Variants in TGFBRAP1 observed in about 807,000 individuals in gnomAD.
TGFBRAP1 encodes transforming growth factor-beta receptor-associated protein 1.
In TGFBRAP1, 20 loss-of-function variants were observed where a neutral mutation model predicts 83.2. That is an observed-to-expected ratio of 0.24 (90% CI 0.17 to 0.35). The LOEUF (loss-of-function observed/expected upper bound fraction) is 0.35. Among genes scored for constraint, TGFBRAP1 ranks in the 10% least tolerant of loss-of-function variants. The pLI, the probability that TGFBRAP1 is intolerant of heterozygous loss-of-function variation, is 1.00. For missense variants in TGFBRAP1, 950 were observed against 1,099.4 expected, an observed-to-expected ratio of 0.86 and a Z score of 1.92; for synonymous variants, 415 against 459.8, an observed-to-expected ratio of 0.90 and a Z score of 1.25.
At chr2:105,287,456 T>C (rs1279209498) in intron 4 of TGFBRAP1, among the ~76,000 whole-genome samples, 3 of 152,206 alleles carry the variant, frequency 2.0e-5, no homozygotes, top group Non-Finnish European at 2.9e-5. Context: ...GCTTCTCATG[T>C]CTGTGGTGAT....
chr2:105,309,237 G>C (rs888026832), intron 1 of TGFBRAP1, among the ~76,000 whole-genome samples: 2 of 152,228 alleles, frequency 1.3e-5, no homozygotes, highest in African/African-American at 4.8e-5. Context: ...CAAAGGCACA[G>C]TCCCTGTGAG....
chr2:105,321,084 C>G (rs528227974), intron 1 of TGFBRAP1, among the ~76,000 whole-genome samples: 2 of 152,162 alleles, frequency 1.3e-5, no homozygotes, highest in Non-Finnish European at 2.9e-5. Context: ...GGGATCCTGG[C>G]TTTAGGCGTG....
downstream of TGFBRAP1, among the ~76,000 whole-genome samples, chr2:105,264,034 A>G (rs1473100614): frequency 2.0e-5 from 3 of 152,244 alleles, no homozygotes. Context: ...CATCAACAAC[A>G]GTGTAGGGGA....
chr2:105,325,406 C>T (rs952568119), intron 1 of TGFBRAP1, among the ~76,000 whole-genome samples: 1 of 152,182 alleles, frequency 6.6e-6, no homozygotes, highest in African/African-American at 2.4e-5. Flanking sequence ...AGGTGGCTTG[C>T]TCAAGGTTAC....
In TGFBRAP1 at chr2:105,296,491, T is replaced by C; in HGVS notation, c.903A>G (p.Thr301=). The C allele has an allele frequency of 6.2e-7, 1 of 1,612,458 alleles. No homozygotes were observed. Among genetic ancestry groups the C allele is most frequent in the Non-Finnish European group, 8.5e-7 (1 of 1,179,636 alleles). Residue 301 remains threonine (T), a synonymous_variant, in exon 4 of 12, where the codon ACA becomes ACG. Transcript: ENST00000393359. ...GAACCAAGATGTAAACTCCTTTACT[T>C]GTGGCAACGATCACTCTTCCTGTGA... ...QDFEGRVIVA[T]SKGVYILVPL...
chr2:105,315,467 A>G (rs1232285896), intron 1 of TGFBRAP1, among the ~76,000 whole-genome samples: 1 of 152,224 alleles, frequency 6.6e-6, no homozygotes, highest in African/African-American at 2.4e-5. Flanking sequence ...TGTAATGCAT[A>G]TATCTGGCAA....
intron 11 of TGFBRAP1, 94 bp from the exon 12 acceptor site, chr2:105,267,653 C>T: frequency 6.5e-7 from 1 of 1,549,102 alleles, no homozygotes; most frequent in East Asian, 2.3e-5. Context: ...ATGCATTACT[C>T]CATGGGTTAT....
chr2:105,264,701 T>TC lies in TGFBRAP1; in HGVS notation c.*2681_*2682insG. 6.6e-6 allele frequency: 1 copy of TC among 152,346 alleles called. No homozygotes were observed. The highest frequency in any genetic ancestry group is 2.4e-5 in the African/African-American group (1 of 41,576). 9.4% of individuals were successfully genotyped at this position (152,346 alleles called of 1,614,324 possible). ...CACGCGTCAGTGAGAGCGTCGCAGT[T>TC]GAACTCAGCCCAGTGCAACGCAGCC... is the stretch of plus-strand genomic sequence containing the variant. On this transcript the variant is annotated 3_prime_UTR_variant, in exon 12 of 12. Coordinates refer to ENST00000393359, the MANE Select transcript of TGFBRAP1 (RefSeq NM_004257.6).
intron 1 of TGFBRAP1, among the ~76,000 whole-genome samples, chr2:105,318,647 T>A (rs1295261757): frequency 2.0e-5 from 3 of 152,264 alleles, no homozygotes; most frequent in African/African-American, 7.2e-5. Flanking sequence ...TTTCTTAGTT[T>A]ATCTAAATGC....
intron 10 of TGFBRAP1, among the ~76,000 whole-genome samples, chr2:105,272,541 G>A (rs988461091): frequency 1.3e-5 from 2 of 152,144 alleles, no homozygotes; most frequent in Non-Finnish European, 2.9e-5. Flanking sequence ...GGCACGAGAA[G>A]CCTTATTTCT....
chr2:105,280,299 C>G, intron 6 of TGFBRAP1, 83 bp downstream of exon 6: 2 of 1,442,876 alleles, frequency 1.4e-6, no homozygotes, highest in Non-Finnish European at 1.9e-6. Flanking sequence ...GGCTAAGTCA[C>G]TTCACGAGGA....
rs765848492 is a variant in TGFBRAP1 at position 105,308,003 on chromosome 2, C to A, written c.299G>T (p.Ser100Ile). The A allele has an allele frequency of 2.8e-5, 46 of 1,614,100 alleles. No individual in the cohort carries two copies. The Middle Eastern group carries it at 4.9e-4, about 17-fold the overall frequency. The change falls in exon 2 of 12, where the codon AGC becomes ATC. Residue 100 changes from serine to isoleucine, a missense_variant. By Grantham distance (142) the Ser-to-Ile change is moderately radical. Coordinates refer to ENST00000393359, the MANE Select transcript of TGFBRAP1 (RefSeq NM_004257.6). The part of the protein sequence containing the change: ...RLLVLCDNSI[S>I]LVNMLNLEPV... ...CTCGAGGTTCAGCATGTTGACCAGG[C>A]TGATGGAGTTGTCACACAGCACCAG... is the stretch of plus-strand genomic sequence containing the variant.
intron 9 of TGFBRAP1, among the ~76,000 whole-genome samples, chr2:105,273,226 C>T (rs2250658): frequency 0.58 from 87,591 of 151,672 alleles, 25,989 homozygotes; most frequent in Non-Finnish European, 0.65. Context: ...CCTCTTATTT[C>T]AAGAAGTAAG....
chr2:105,280,643 T>C lies in TGFBRAP1; in HGVS notation c.1202A>G (p.His401Arg). ...GTCTGCGTACTCATGAAGAGGAGGG[T>C]GGGACCGGGTGAAGGAGGAGGAGGT... Reference protein sequence around the residue: ...LPTSSSFTRSHPPLHEYADLN... With the variant: ...LPTSSSFTRSRPPLHEYADLN... The change falls in exon 6 of 12, where the codon CAC (histidine) becomes CGC (arginine). Residue 401 changes from histidine (H) to arginine (R), a missense_variant. Physicochemically the swap from His to Arg is conservative, Grantham distance 29 (BLOSUM62 0). Transcript: ENST00000393359. 1 of 1,613,702 alleles carries C rather than the reference T, an allele frequency of 6.2e-7. No homozygotes were observed. Among genetic ancestry groups the C allele is most frequent in the Non-Finnish European group, 8.5e-7 (1 of 1,179,936 alleles).
the TGFBRAP1 span, among the ~76,000 whole-genome samples, chr2:105,251,459 C>A: frequency 2.6e-5 from 4 of 151,778 alleles, no homozygotes; most frequent in Admixed American, 6.6e-5. Flanking sequence ...CTGGCAACCG[C>A]CCCGTCTGAG....
intron 1 of TGFBRAP1, among the ~76,000 whole-genome samples, chr2:105,311,338 A>C (rs1678685449): frequency 6.6e-6 from 1 of 152,190 alleles, no homozygotes; most frequent in Non-Finnish European, 1.5e-5. Context: ...GTAATAATGC[A>C]GAATTACATG....
In TGFBRAP1 at chr2:105,267,438, C is replaced by G. The variant is rs1445387255; in HGVS notation, c.2528G>C (p.Cys843Ser). The change falls in exon 12 of 12, where the codon TGT (cysteine) becomes TCT (serine). Residue 843 changes from cysteine to serine, a missense_variant. By Grantham distance (112) the Cys-to-Ser change is moderately radical. Coordinates refer to ENST00000393359, the MANE Select transcript of TGFBRAP1 (RefSeq NM_004257.6). The part of the protein sequence containing the change: ...YPNGGLVHTH[C>S]AASRHTNPSS... ...GGGGTTTGTGTGTCTGCTGGCGGCA[C>G]AGTGGGTGTGCACAAGACCACCATT... The G allele has an allele frequency of 1.2e-6, 2 of 1,614,192 alleles. No homozygotes were observed. Among genetic ancestry groups the G allele is most frequent in the Non-Finnish European group, 1.7e-6 (2 of 1,180,030 alleles).
chr2:105,273,980 G>A (rs1677248627), intron 8 of TGFBRAP1, among the ~76,000 whole-genome samples: 1 of 152,264 alleles, frequency 6.6e-6, no homozygotes, highest in Non-Finnish European at 1.5e-5. Flanking sequence ...CACACCCCAT[G>A]CAAATTGGAA....
At chr2:105,305,848 G>A (rs935490791) in intron 2 of TGFBRAP1, among the ~76,000 whole-genome samples, 1 of 151,842 alleles carries the variant, frequency 6.6e-6, no homozygotes, top group African/African-American at 2.4e-5. Context: ...TAGAGATAGG[G>A]TTTCACCTTT....
Sources: gnomAD v4.1 joint callset for allele counts (sites outside exome capture counted in the v4.1 genomes callset) on GRCh38, gnomAD v4.1.1 for gene constraint, MANE v1.5 for transcripts, NCBI Gene and HGNC (gene_info 2026-07-23, HGNC 2026-07-21) for gene names.